Variants in EYS observed in about 807,000 individuals in gnomAD.
EYS encodes the protein protein eyes shut homolog.
In EYS, 250 loss-of-function variants were observed where a neutral mutation model predicts 282.1. The ratio of observed to expected loss-of-function variants is 0.89; its 90% CI spans 0.80 to 0.98. The LOEUF (loss-of-function observed/expected upper bound fraction) is 0.98. Ranked by LOEUF, EYS falls within the 50% of genes least tolerant of loss-of-function variation. EYS has a pLI of 0.00. For missense variants in EYS, 4,016 were observed against 3,709.0 expected, an observed-to-expected ratio of 1.08 and a Z score of -2.15; for synonymous variants, 1,355 against 1,282.9, an observed-to-expected ratio of 1.06 and a Z score of -1.20.
At chr6:64,745,080 C>T (rs1772511805) in intron 22 of EYS, among the ~76,000 whole-genome samples, 1 of 152,138 alleles carries the variant, frequency 6.6e-6, no homozygotes. Flanking sequence ...AGAGTGCGCT[C>T]ATCATATTTG....
chr6:64,900,982 G>A lies in EYS; in HGVS notation c.2846+1131C>T, dbSNP rs182645733. ...CACTATTAACAATAGCTAAGACTTG[G>A]AACCAACCAAAATGCCCATCAATGT... On this transcript the variant is annotated intron_variant, in intron 18 of 42. Transcript: ENST00000503581. 3.7e-3 allele frequency among the ~76,000 whole-genome samples: 561 copies of A among 151,624 alleles called. 3 individuals are homozygous for A. The highest frequency in any genetic ancestry group is 0.02 in the Middle Eastern group (6 of 294).
At chr6:64,726,144 A>G (rs1191156093) in intron 22 of EYS, among the ~76,000 whole-genome samples, 1 of 151,754 alleles carries the variant, frequency 6.6e-6, no homozygotes, top group African/African-American at 2.4e-5. Context: ...ACAAAATTCA[A>G]CCAACCCTCG....
chr6:63,954,737 C>T (rs62413039), intron 35 of EYS, among the ~76,000 whole-genome samples: 5,171 of 152,294 alleles, frequency 0.034, 128 homozygotes, highest in Non-Finnish European at 0.049. Flanking sequence ...TTCCACCTAT[C>T]AATCTCTTCC....
intron 12 of EYS, among the ~76,000 whole-genome samples, chr6:65,098,987 G>A (rs898650430): frequency 6.6e-5 from 10 of 150,672 alleles, no homozygotes; most frequent in African/African-American, 2.2e-4. Flanking sequence ...ATCAAGCTAA[G>A]CCATTTGCAA....
intron 2 of EYS, among the ~76,000 whole-genome samples, chr6:65,554,423 TA>T (rs1768716148): frequency 6.6e-6 from 1 of 152,190 alleles, no homozygotes; most frequent in African/African-American, 2.4e-5. Flanking sequence ...GGCTTGCTTT[TA>T]TACTGATATC....
At chr6:65,372,673 T>C (rs1765205369) in intron 8 of EYS, among the ~76,000 whole-genome samples, 1 of 152,088 alleles carries the variant, frequency 6.6e-6, no homozygotes, top group South Asian at 2.1e-4. Flanking sequence ...ATTTATATTA[T>C]TAATATTGAG....
At chr6:64,133,074 A>T (rs1213625592) in intron 31 of EYS, among the ~76,000 whole-genome samples, 1 of 152,078 alleles carries the variant, frequency 6.6e-6, no homozygotes, top group Non-Finnish European at 1.5e-5. Flanking sequence ...GTTTCATACT[A>T]TGACAAAGGG....
chr6:65,272,983 A>T (rs1767945061), intron 12 of EYS, among the ~76,000 whole-genome samples: 1 of 152,170 alleles, frequency 6.6e-6, no homozygotes, highest in South Asian at 2.1e-4. Context: ...TTATTAAGTA[A>T]TGTAAACGTT....
intron 8 of EYS, among the ~76,000 whole-genome samples, chr6:65,368,640 T>C (rs1239643328): frequency 2.0e-5 from 3 of 151,782 alleles, no homozygotes; most frequent in African/African-American, 7.2e-5. Flanking sequence ...GTTTGCTTAT[T>C]TAAAATATGA....
intron 22 of EYS, among the ~76,000 whole-genome samples, chr6:64,731,816 T>C (rs559788585): frequency 6.6e-6 from 1 of 152,300 alleles, no homozygotes; most frequent in South Asian, 2.1e-4. Flanking sequence ...ACTGCGCATA[T>C]ACCCAAAGGA....
chr6:64,306,016 C>T (rs1246203280), intron 30 of EYS, among the ~76,000 whole-genome samples: 1 of 151,956 alleles, frequency 6.6e-6, no homozygotes, highest in Non-Finnish European at 1.5e-5. Flanking sequence ...ATAGAGAACT[C>T]CTAAGACTAA....
At chr6:65,501,775 T>C (rs1311856266) in intron 2 of EYS, among the ~76,000 whole-genome samples, 2 of 151,712 alleles carry the variant, frequency 1.3e-5, no homozygotes, top group Non-Finnish European at 3.0e-5. Flanking sequence ...CTGTAAGAAA[T>C]TAGTTTTTTT....
intron 22 of EYS, among the ~76,000 whole-genome samples, chr6:64,716,414 C>A (rs1234149633): frequency 6.6e-6 from 1 of 152,176 alleles, no homozygotes; most frequent in African/African-American, 2.4e-5. Context: ...TGCATAAAAA[C>A]AAGCATTGTT....
chr6:64,515,031 A>G (rs1777523143), intron 26 of EYS, among the ~76,000 whole-genome samples: 1 of 151,724 alleles, frequency 6.6e-6, no homozygotes, highest in South Asian at 2.1e-4. Context: ...TATTTTCCAC[A>G]CAGGTCTATA....
At chr6:64,188,479 C>G (rs1396288632) in intron 31 of EYS, among the ~76,000 whole-genome samples, 1 of 151,946 alleles carries the variant, frequency 6.6e-6, no homozygotes, top group Non-Finnish European at 1.5e-5. Flanking sequence ...AAATATATCC[C>G]AAATATTGCA....
intron 26 of EYS, among the ~76,000 whole-genome samples, chr6:64,452,131 CCTT>C (rs1371205036): frequency 6.6e-6 from 1 of 152,142 alleles, no homozygotes; most frequent in Non-Finnish European, 1.5e-5. Context: ...CCCAAAATCT[CCTT>C]AAGCTGATAA....
At chr6:64,519,413 A>T (rs566914151) in intron 26 of EYS, among the ~76,000 whole-genome samples, 1 of 151,984 alleles carries the variant, frequency 6.6e-6, no homozygotes, top group South Asian at 2.1e-4. Context: ...TACACAAAAC[A>T]CGCAGAAGCA....
intron 22 of EYS, among the ~76,000 whole-genome samples, chr6:64,794,864 C>G (rs1774305756): frequency 6.6e-6 from 1 of 152,020 alleles, no homozygotes; most frequent in African/African-American, 2.4e-5. Flanking sequence ...CACCAACCAC[C>G]CACACACAGG....
At chr6:64,800,281 C>A (rs1774497451) in intron 22 of EYS, among the ~76,000 whole-genome samples, 1 of 151,962 alleles carries the variant, frequency 6.6e-6, no homozygotes, top group Non-Finnish European at 1.5e-5. Context: ...CCTTACTGCC[C>A]AATGTCTTTG....
Sources: gnomAD v4.1 joint callset for allele counts (sites outside exome capture counted in the v4.1 genomes callset) on GRCh38, gnomAD v4.1.1 for gene constraint, MANE v1.5 for transcripts, NCBI Gene and HGNC (gene_info 2026-07-23, HGNC 2026-07-21) for gene names.